RABEP1: variants seen among roughly 807,000 people sequenced by gnomAD.
RABEP1 encodes rabaptin, RAB GTPase binding effector protein 1, also known as rab GTPase-binding effector protein 1.
In RABEP1, 51 loss-of-function variants were observed where a neutral mutation model predicts 123.4. The ratio of observed to expected loss-of-function variants is 0.41; its 90% CI spans 0.33 to 0.52. The LOEUF (loss-of-function observed/expected upper bound fraction) is 0.52. Ranked by LOEUF, RABEP1 falls within the 20% of genes least tolerant of loss-of-function variation. The pLI is 0.16. For missense variants in RABEP1, 888 were observed against 996.3 expected, an observed-to-expected ratio of 0.89 and a Z score of 1.46; for synonymous variants, 347 against 355.2, an observed-to-expected ratio of 0.98 and a Z score of 0.26.
intron 5 of RABEP1, among the ~76,000 whole-genome samples, chr17:5,345,806 T>C (rs185090997): frequency 1.1e-4 from 16 of 152,146 alleles, no homozygotes; most frequent in African/African-American, 2.9e-4. Context: ...TTTGAAGAAA[T>C]AGGAAGATAA....
intron 12 of RABEP1, among the ~76,000 whole-genome samples, chr17:5,371,086 C>T (rs886335356): frequency 6.6e-6 from 1 of 152,096 alleles, no homozygotes; most frequent in Non-Finnish European, 1.5e-5. Context: ...CCTGCCTCAG[C>T]CTCTGGAGTA....
chr17:5,378,456 G>C, intron 15 of RABEP1: 1 of 623,712 alleles, frequency 1.6e-6, no homozygotes, highest in East Asian at 2.9e-5. Flanking sequence ...GCTAAGATGT[G>C]ACTGTGGCCT....
chr17:5,386,256 TTA>T lies in RABEP1; in HGVS notation c.*3037_*3038del. The T allele has an allele frequency of 6.2e-7, 1 of 1,612,292 alleles. No individual in the cohort carries two copies. Among genetic ancestry groups the T allele is most frequent in the Non-Finnish European group, 8.5e-7 (1 of 1,179,110 alleles). On this transcript the variant is annotated 3_prime_UTR_variant, in exon 18 of 18. Coordinates refer to ENST00000537505, the MANE Select transcript of RABEP1 (RefSeq NM_004703.6). ...TCATTGATTTGCTTCACCATTTCCC[TTA>T]TATGTTCACCCCTGTAAAATTGTAA...
Position 5,368,398 on chromosome 17 carries a change from C to G in RABEP1, c.1814C>G (p.Ala605Gly). Residue 605 changes from alanine (A) to glycine (G), a missense_variant, in exon 12 of 18, where the codon GCC becomes GGC. Transcript: ENST00000537505. ...TCTGCACTCGTCCTAAGAGCCCAGG[C>G]CTCCGAGATCTTACTTGAAGAGTTA... ...QISALVLRAQ[A>G]SEILLEELQQ... is the part of the protein sequence containing the mutation. 6.2e-7 allele frequency: 1 copy of G among 1,613,646 alleles called. No homozygotes were observed. Among genetic ancestry groups the G allele is most frequent in the South Asian group, 1.1e-5 (1 of 91,040 alleles).
rs778646613 is a variant in RABEP1, at chr17:5,361,622, C to T, written c.1510C>T (p.Pro504Ser). ...TQGMESAYVSPSGYRLVSETE... is the reference protein window; with the variant it reads ...TQGMESAYVSSSGYRLVSETE... The stretch of plus-strand genomic sequence containing the variant: ...GGGCATGGAGAGTGCCTATGTGTCC[C>T]CTAGTGGTTATCGTTTAGTTAGTGA... The change falls in exon 9 of 18, where the codon CCT becomes TCT. Residue 504 changes from proline (P) to serine (S), a missense_variant. By Grantham distance (74) the Pro-to-Ser change is moderately conservative (BLOSUM62 -1). Transcript: ENST00000537505. 6.2e-7 allele frequency: 1 copy of T among 1,612,302 alleles called. No homozygotes were observed. The highest frequency in any genetic ancestry group is 1.1e-5 in the South Asian group (1 of 90,688).
chr17:5,323,716 A>C (rs1272246838), intron 2 of RABEP1, among the ~76,000 whole-genome samples: 1 of 95,992 alleles, frequency 1.0e-5, no homozygotes. Flanking sequence ...ATATATATAT[A>C]TCTAGGAATA....
rs1407009855 is a variant in RABEP1 at position 5,354,404 on chromosome 17, A to C, written c.1009A>C (p.Lys337Gln). Residue 337 changes from lysine to glutamine, a missense_variant, in exon 8 of 18, where the codon AAA becomes CAA. Physicochemically the swap from Lys to Gln is moderately conservative, Grantham distance 53 (BLOSUM62 1). Coordinates refer to ENST00000537505, the MANE Select transcript of RABEP1 (RefSeq NM_004703.6). Reference protein sequence around the residue: ...QRLNKRKDHKKADVEEEIKIP... With the variant: ...QRLNKRKDHKQADVEEEIKIP... ...ACTCAATAAGAGAAAGGATCACAAA[A>C]AAGCAGATGTTGAGGAAGAAATAAA... 1.9e-6 allele frequency: 3 copies of C among 1,613,200 alleles called. No individual in the cohort carries two copies. The highest frequency in any genetic ancestry group is 2.5e-6 in the Non-Finnish European group (3 of 1,179,600).
In RABEP1 at chr17:5,381,257, T is replaced by A. The variant is rs1597303729; in HGVS notation, c.2371-132T>A. 4 of 1,263,210 alleles carry A rather than the reference T, an allele frequency of 3.2e-6. No individual in the cohort carries two copies. In the East Asian group the frequency reaches 1.1e-4, roughly 35 times the overall value. The allele number at this position is 1,263,210 out of a possible 1,614,324, so 78.3% of individuals were successfully genotyped here. A position where few individuals can be genotyped will look rare whatever the true frequency, so the allele number is the denominator to read the frequency against. On this transcript the variant is annotated intron_variant, in intron 16 of 17. Transcript: ENST00000537505. ...ACGCTTGCCCTATAGATAAAGAGAT[T>A]GGTCGTGTATAGGAGTGCGACGGAT... is the stretch of plus-strand genomic sequence containing the variant.
chr17:5,291,643 C>T (rs1385286576), intron 1 of RABEP1, among the ~76,000 whole-genome samples: 3 of 152,082 alleles, frequency 2.0e-5, no homozygotes, highest in Non-Finnish European at 4.4e-5. Context: ...TGCGGTGGCT[C>T]ACGCCTGTAA....
chr17:5,343,885 A>G (rs1907841397), intron 5 of RABEP1, among the ~76,000 whole-genome samples: 1 of 151,762 alleles, frequency 6.6e-6, no homozygotes, highest in African/African-American at 2.4e-5. Context: ...CATGTTGGCC[A>G]GGCTGGTCTC....
At chr17:5,283,800 T>G (rs1208424336) in intron 1 of RABEP1, 1 of 152,144 alleles carries the variant, frequency 6.6e-6, no homozygotes, top group Non-Finnish European at 1.5e-5. Context: ...GCCTGTAGTT[T>G]TGGGTGTTGT....
At chr17:5,297,017 C>T (rs202003621) in intron 1 of RABEP1, among the ~76,000 whole-genome samples, 3 of 117,682 alleles carry the variant, frequency 2.5e-5, no homozygotes, top group Non-Finnish European at 3.6e-5. Flanking sequence ...GGATTACAGG[C>T]GTGAGCCACT....
intron 17 of RABEP1, among the ~76,000 whole-genome samples, chr17:5,382,006 C>CGA (rs1911509356): frequency 6.6e-6 from 1 of 152,060 alleles, no homozygotes; most frequent in Non-Finnish European, 1.5e-5. Flanking sequence ...CTCGGGCACT[C>CGA]TATGAATGCC....
intron 1 of RABEP1, among the ~76,000 whole-genome samples, chr17:5,290,575 T>C (rs569173240): frequency 7.9e-5 from 12 of 152,192 alleles, no homozygotes; most frequent in African/African-American, 2.9e-4. Flanking sequence ...ATTAAGTGCA[T>C]GTTAATTTAA....
chr17:5,329,018 A>AAT (rs1906254411), intron 2 of RABEP1, among the ~76,000 whole-genome samples: 1 of 97,880 alleles, frequency 1.0e-5, no homozygotes, highest in African/African-American at 4.3e-5. Flanking sequence ...ATTCAGAAAG[A>AAT]CTTTTTTTTT....
At chr17:5,310,066 T>A (rs1397328326) in intron 2 of RABEP1, among the ~76,000 whole-genome samples, 1 of 152,192 alleles carries the variant, frequency 6.6e-6, no homozygotes, top group Non-Finnish European at 1.5e-5. Flanking sequence ...AAATTTGCAT[T>A]TCTAATAAGC....
intron 5 of RABEP1, among the ~76,000 whole-genome samples, chr17:5,343,255 TAAATA>T (rs1489055561): frequency 1.3e-5 from 2 of 151,926 alleles, no homozygotes; most frequent in East Asian, 3.9e-4. Context: ...CGTCTCAAAA[TAAATA>T]AATTATTATC....
chr17:5,347,983 A>T (rs1249056917), intron 6 of RABEP1, among the ~76,000 whole-genome samples: 4 of 152,072 alleles, frequency 2.6e-5, no homozygotes, highest in African/African-American at 9.7e-5. Context: ...TAAAAAATAG[A>T]GTCTTTTTTT....
intron 16 of RABEP1, among the ~76,000 whole-genome samples, 156 bp from the exon 17 acceptor site, chr17:5,381,233 C>T (rs879202466): frequency 1.6e-5 from 2 of 127,800 alleles, no homozygotes; most frequent in Non-Finnish European, 3.3e-5. Context: ...ATGGCCTGCA[C>T]GCTTGCCCTA....
Sources: allele counts gnomAD v4.1 joint callset (sites outside exome capture counted in the v4.1 genomes callset), GRCh38; gene constraint gnomAD v4.1.1; transcripts MANE v1.5; gene names NCBI Gene and HGNC (gene_info 2026-07-23, HGNC 2026-07-21).